FBXO3: variants seen among roughly 807,000 people sequenced by gnomAD.
FBXO3 encodes F-box only protein 3.
A neutral mutation model predicts 64.8 loss-of-function variants in FBXO3; 17 were observed. That is an observed-to-expected ratio of 0.26 (90% CI 0.18 to 0.39). The LOEUF (loss-of-function observed/expected upper bound fraction) is 0.39. FBXO3 is among the 10% of genes least tolerant of loss of function. The probability of loss-of-function intolerance (pLI) is 1.00; values close to 1 mark genes in which losing one functional copy is unlikely to be tolerated. For missense variants in FBXO3, 420 were observed against 589.9 expected (o/e 0.71, Z 2.98); for synonymous variants, 182 against 201.6 (o/e 0.90, Z 0.82).
intron 6 of FBXO3, chr11:33,753,381 C>G (rs1053078361): frequency 6.6e-6 from 1 of 152,280 alleles, no homozygotes; most frequent in Non-Finnish European, 1.5e-5. Flanking sequence ...AAGGAACTCA[C>G]AGAGGCTGGG....
Position 33,774,488 on chromosome 11 carries a change from T to A in FBXO3, c.10A>T (p.Met4Leu). ...GTCAGCGGCGCCGTCTCGGTCTCCA[T>A]GGCCGCCATCTTGCCTGGCCCGGTG... is the stretch of plus-strand genomic sequence containing the variant. MAA[M>L]ETETAPLTLE... The change falls in exon 1 of 11, where the codon ATG becomes TTG. Residue 4 changes from methionine (M) to leucine (L), a missense_variant. By Grantham distance (15) the Met-to-Leu change is conservative. Around this residue, in one of 3 missense-constraint regions of FBXO3, gnomAD observed 26 missense variants for 16.1 expected, o/e 1.62. Transcript: ENST00000265651. 6.4e-7 allele frequency: 1 copy of A among 1,568,192 alleles called. No homozygotes were observed. Among genetic ancestry groups the A allele is most frequent in the Admixed American group, 1.8e-5 (1 of 56,478 alleles).
intron 8 of FBXO3, 116 bp downstream of exon 8, chr11:33,750,423 T>A (rs57966527): frequency 8.1e-7 from 1 of 1,241,718 alleles, no homozygotes; most frequent in South Asian, 1.6e-5. Flanking sequence ...TCCTCCAAAC[T>A]TCAGCAAGTT....
intron 6 of FBXO3, 109 bp from the exon 7 acceptor site, chr11:33,751,716 G>A (rs975901336): frequency 1.7e-6 from 1 of 580,630 alleles, no homozygotes; most frequent in Non-Finnish European, 3.0e-6. Context: ...ACCAAAACTA[G>A]AAACATTTAT....
intron 3 of FBXO3, among the ~76,000 whole-genome samples, chr11:33,767,376 C>G (rs4755987): frequency 6.6e-6 from 1 of 152,200 alleles, no homozygotes; most frequent in African/African-American, 2.4e-5. Context: ...CTCGGCTCAC[C>G]GCAAGCTCCG....
intron 3 of FBXO3, among the ~76,000 whole-genome samples, chr11:33,760,928 G>C (rs1178995931): frequency 1.3e-5 from 2 of 152,084 alleles, no homozygotes; most frequent in Non-Finnish European, 2.9e-5. Flanking sequence ...AAGTCTAAAA[G>C]AATATTGAAT....
At chr11:33,746,798 T>G in intron 10 of FBXO3, 1 of 1,406,564 alleles carries the variant, frequency 7.1e-7, no homozygotes, top group Non-Finnish European at 9.2e-7. Flanking sequence ...AAATTGGAAG[T>G]TTGAGCAAAA....
At chr11:33,767,516 G>A (rs1855405471) in intron 3 of FBXO3, 1 of 152,208 alleles carries the variant, frequency 6.6e-6, no homozygotes, top group Non-Finnish European at 1.5e-5. Context: ...AGCCAGGATG[G>A]TCTCGATCTC....
At chr11:33,771,533 C>G (rs989905481) in intron 1 of FBXO3, 17 of 152,146 alleles carry the variant, frequency 1.1e-4, no homozygotes, top group Admixed American at 1.1e-3. Flanking sequence ...AAAGAATGAA[C>G]CTAAGATTAG....
chr11:33,744,975 C>T (rs1265407147), intron 10 of FBXO3: 1 of 151,958 alleles, frequency 6.6e-6, no homozygotes, highest in Non-Finnish European at 1.5e-5. Flanking sequence ...AACTTTACAC[C>T]CACCCTAACA....
rs1165245606 is a variant in FBXO3, at chr11:33,741,273, A to C, written c.*635T>G. ...CATAGTGTTGAAGACTTTAAATTAAATCCAAGGTCATCATGTTGAAGACCT... is the reference window on the plus strand; with the variant it reads ...CATAGTGTTGAAGACTTTAAATTAACTCCAAGGTCATCATGTTGAAGACCT... On this transcript the variant is annotated 3_prime_UTR_variant, in exon 11 of 11. Coordinates refer to ENST00000265651, the MANE Select transcript of FBXO3 (RefSeq NM_012175.4). 1 of 152,812 alleles carries C rather than the reference A, an allele frequency of 6.5e-6. No individual in the cohort carries two copies. The highest frequency in any genetic ancestry group is 1.9e-4 in the East Asian group (1 of 5,196). 9.5% of individuals were successfully genotyped at this position (152,812 alleles called of 1,614,324 possible).
chr11:33,764,354 G>C (rs1213417592), intron 3 of FBXO3, among the ~76,000 whole-genome samples: 1 of 152,210 alleles, frequency 6.6e-6, no homozygotes, highest in Admixed American at 6.5e-5. Flanking sequence ...GGACTATGAG[G>C]AGGGCTTCTA....
chr11:33,747,100 A>T (rs1434385679), intron 10 of FBXO3, 30 bp downstream of exon 10: 1 of 1,607,666 alleles, frequency 6.2e-7, no homozygotes, highest in Non-Finnish European at 8.5e-7. Flanking sequence ...AAAGTCATGT[A>T]AATCAGCACT....
At chr11:33,756,044 T>G in intron 4 of FBXO3, 69 bp from the exon 5 acceptor site, 1 of 1,293,208 alleles carries the variant, frequency 7.7e-7, no homozygotes, top group East Asian at 2.3e-5. Context: ...ATCTTTCTGA[T>G]GAATAATAAT....
At chr11:33,764,204 C>T (rs1447261515) in intron 3 of FBXO3, among the ~76,000 whole-genome samples, 4 of 152,204 alleles carry the variant, frequency 2.6e-5, no homozygotes, top group Admixed American at 6.5e-5. Flanking sequence ...AACTCTGTTA[C>T]ACTCAAAAAG....
intron 8 of FBXO3, among the ~76,000 whole-genome samples, chr11:33,749,109 G>C (rs957852739): frequency 5.5e-4 from 84 of 152,162 alleles, no homozygotes; most frequent in Admixed American, 5.4e-3. Flanking sequence ...CTCAACTTAT[G>C]CATTTGACTG....
chr11:33,765,401 G>A (rs141815438), intron 3 of FBXO3, among the ~76,000 whole-genome samples: 252 of 152,300 alleles, frequency 1.7e-3, no homozygotes, highest in African/African-American at 5.7e-3. Flanking sequence ...TATGGTATGT[G>A]CCACATGTTA....
chr11:33,741,994 C>T lies in FBXO3; in HGVS notation c.1330G>A (p.Glu444Lys). 1 of 1,612,272 alleles carries T rather than the reference C, an allele frequency of 6.2e-7. No individual in the cohort carries two copies. The highest frequency in any genetic ancestry group is 8.5e-7 in the Non-Finnish European group (1 of 1,178,354). ...DEDDDSADMDESDEDDEEERR... is the reference protein window; with the variant it reads ...DEDDDSADMDKSDEDDEEERR... ...TCCTCTTCATCATCTTCATCTGATT[C>T]ATCCATATCTGCTGAATCATCATCC... The change falls in exon 11 of 11, where the codon GAA becomes AAA. Residue 444 changes from glutamate (E) to lysine (K), a missense_variant. This residue lies in a region of FBXO3 where 57 missense variants were observed against 55.4 expected (regional missense o/e 1.03). Coordinates refer to ENST00000265651, the MANE Select transcript of FBXO3 (RefSeq NM_012175.4).
chr11:33,771,022 T>C, intron 1 of FBXO3, 192 bp from the exon 2 acceptor site: 1 of 457,680 alleles, frequency 2.2e-6, no homozygotes, highest in East Asian at 3.5e-5. Flanking sequence ...TTGTTAGTAG[T>C]GAAACTGAGT....
Position 33,770,741 on chromosome 11 carries a change from T to C in FBXO3, c.194A>G (p.Glu65Gly). 6.2e-7 allele frequency: 1 copy of C among 1,609,252 alleles called. No homozygotes were observed. The highest frequency in any genetic ancestry group is 8.5e-7 in the Non-Finnish European group (1 of 1,176,518). The change falls in exon 2 of 11, where the codon GAG (glutamate) becomes GGG (glycine). Residue 65 changes from glutamate (E) to glycine (G), a missense_variant and splice_region_variant. Physicochemically the swap from Glu to Gly is moderately conservative, Grantham distance 98. This residue lies in a region of FBXO3 where 337 missense variants were observed against 518.4 expected (regional missense o/e 0.65). Coordinates refer to ENST00000265651, the MANE Select transcript of FBXO3 (RefSeq NM_012175.4). ...AAGTACATATTCCTCGAATACTCAC[T>C]CAGATATCAGCCAGTATTTTTTGCA... ...RHCKKYWLIS[E>G]EEKTQKNQCW...
Sources: allele counts gnomAD v4.1 joint callset (sites outside exome capture counted in the v4.1 genomes callset), GRCh38; gene constraint gnomAD v4.1.1; regional missense constraint gnomAD v4.1.1; transcripts MANE v1.5; gene names NCBI Gene and HGNC (gene_info 2026-07-23, HGNC 2026-07-21).